The following ZRANB3 variants were observed in gnomAD, a reference collection of about 807,000 sequenced individuals.
ZRANB3 encodes zinc finger RANBP2-type containing 3, also known as DNA annealing helicase and endonuclease ZRANB3.
ZRANB3 carries 125 observed loss-of-function variants against 133.8 expected under a neutral mutation model. The observed-to-expected ratio is 0.93, with a 90% CI of 0.81 to 1.08. The LOEUF (loss-of-function observed/expected upper bound fraction) is 1.08, where lower values mean the gene tolerates loss of function less well. ZRANB3 is among the 50% of genes least tolerant of loss of function. The pLI is 0.00. For missense variants in ZRANB3, 1,229 were observed against 1,275.5 expected, an observed-to-expected ratio of 0.96 and a Z score of 0.56; for synonymous variants, 387 against 432.7, an observed-to-expected ratio of 0.89 and a Z score of 1.31.
At chr2:135,440,394 C>T (rs1204390603) in intron 2 of ZRANB3, among the ~76,000 whole-genome samples, 1 of 151,632 alleles carries the variant, frequency 6.6e-6, no homozygotes, top group Non-Finnish European at 1.5e-5. Flanking sequence ...GCAAGGAAGG[C>T]TCTGTCTAAA....
intron 8 of ZRANB3, among the ~76,000 whole-genome samples, chr2:135,301,375 G>A (rs1227961565): frequency 1.3e-5 from 2 of 151,882 alleles, no homozygotes; most frequent in African/African-American, 4.8e-5. Context: ...TAGTAGAGAT[G>A]GAGTTTCACC....
chr2:135,489,135 G>C (rs1010131878), intron 2 of ZRANB3, among the ~76,000 whole-genome samples: 1 of 151,780 alleles, frequency 6.6e-6, no homozygotes, highest in East Asian at 1.9e-4. Flanking sequence ...CTTAAAAAAG[G>C]AATCTACAAA....
intron 6 of ZRANB3, among the ~76,000 whole-genome samples, chr2:135,318,161 A>G (rs1683345987): frequency 6.6e-6 from 1 of 151,636 alleles, no homozygotes; most frequent in East Asian, 1.9e-4. Context: ...TATAAAAATT[A>G]TATTAAATAT....
chr2:135,419,314 T>C (rs896493961), intron 2 of ZRANB3, among the ~76,000 whole-genome samples: 3 of 152,112 alleles, frequency 2.0e-5, no homozygotes, highest in Admixed American at 6.5e-5. Flanking sequence ...GTGTACATTT[T>C]GGATTTTACA....
chr2:135,504,144 T>C, intron 2 of ZRANB3, 185 bp downstream of exon 2: 1 of 696,234 alleles, frequency 1.4e-6, no homozygotes, highest in Admixed American at 2.3e-5. Flanking sequence ...GAAATCACAA[T>C]TGGTTCAATA....
At chr2:135,253,777 T>C (rs1352327074) in intron 12 of ZRANB3, among the ~76,000 whole-genome samples, 3 of 152,194 alleles carry the variant, frequency 2.0e-5, no homozygotes, top group East Asian at 1.9e-4. Flanking sequence ...GAGACTTCCA[T>C]TGCATATGTG....
intron 3 of ZRANB3, among the ~76,000 whole-genome samples, chr2:135,379,610 T>G (rs1015699178): frequency 2.0e-5 from 3 of 152,138 alleles, no homozygotes; most frequent in Non-Finnish European, 4.4e-5. Flanking sequence ...AAGCAAATGC[T>G]GAGAGATTTT....
rs1197969738 is a variant in ZRANB3 at position 135,511,581 on chromosome 2, T to C, written c.-7-7085A>G. On this transcript the variant is annotated intron_variant, in intron 1 of 20. Coordinates refer to ENST00000264159, the MANE Select transcript of ZRANB3 (RefSeq NM_032143.4). Reference sequence around the variant, plus strand: ...TATCATTGTGAACATAGAACTGATTTGCAACAGACCCCTCAGGAGCAAGTA... The same window carrying C: ...TATCATTGTGAACATAGAACTGATTCGCAACAGACCCCTCAGGAGCAAGTA... The C allele has an allele frequency of 3.4e-6, 3 of 892,682 alleles. No homozygotes were observed. In the Admixed American group the frequency reaches 5.1e-5, roughly 15 times the overall value. The allele number at this position is 892,682 out of a possible 1,614,324, so 55.3% of individuals were successfully genotyped here. A position where few individuals can be genotyped will look rare whatever the true frequency, so the allele number is the denominator to read the frequency against.
intron 6 of ZRANB3, among the ~76,000 whole-genome samples, chr2:135,335,683 A>T (rs4954241): frequency 0.1 from 15,843 of 151,896 alleles, 1,092 homozygotes; most frequent in South Asian, 0.32. Context: ...AAAGAGCAAG[A>T]CTCTGTCTCA....
intron 2 of ZRANB3, among the ~76,000 whole-genome samples, chr2:135,391,624 G>C (rs547382441): frequency 6.7e-6 from 1 of 148,274 alleles, no homozygotes; most frequent in Middle Eastern, 3.7e-3. Context: ...CTGTTGCCCA[G>C]GCTGGAGTGC....
rs1465234250 is a variant in ZRANB3 at position 135,224,466 on chromosome 2, C to T, written c.2210G>A (p.Cys737Tyr). The change falls in exon 15 of 21, where the codon TGT (cysteine) becomes TAT (tyrosine). Residue 737 changes from cysteine to tyrosine, a missense_variant. By Grantham distance (194) the Cys-to-Tyr change is radical (BLOSUM62 -2). Coordinates refer to ENST00000264159, the MANE Select transcript of ZRANB3 (RefSeq NM_032143.4). ...TLPVYDTLMF[C>Y]ASRNTDRIHI... ...AATCCGGTCAGTATTCCTACTTGCA[C>T]AGAACATTAAGGTGTCATACACTGG... is the stretch of plus-strand genomic sequence containing the variant. The T allele has an allele frequency of 1.2e-6, 2 of 1,613,360 alleles. No individual in the cohort carries two copies.
rs570792279 is a variant in ZRANB3 at position 135,246,977 on chromosome 2, TA to T, written c.1540-16051del. On this transcript the variant is annotated intron_variant, in intron 12 of 20. Coordinates refer to ENST00000264159, the MANE Select transcript of ZRANB3 (RefSeq NM_032143.4). ...TGAAGGAGAGGGGAAAAAAATCTAG[TA>T]AAACTCATAAAAAATAAAGCACTTC... 2.1e-3 allele frequency among the ~76,000 whole-genome samples: 327 copies of T among 152,260 alleles called. 1 individual carries two copies. Among genetic ancestry groups the T allele is most frequent in the Admixed American group, 6.7e-3 (103 of 15,288 alleles).
intron 2 of ZRANB3, 29 bp downstream of exon 2, chr2:135,504,300 A>G: frequency 1.2e-6 from 2 of 1,611,462 alleles, no homozygotes; most frequent in Non-Finnish European, 1.7e-6. Flanking sequence ...GGAATTTAAC[A>G]TTTTTAGCAT....
intron 3 of ZRANB3, among the ~76,000 whole-genome samples, chr2:135,379,709 C>T (rs540888100): frequency 6.6e-6 from 1 of 152,212 alleles, no homozygotes; most frequent in East Asian, 1.9e-4. Flanking sequence ...CAAAAACACA[C>T]CAAATTGTAA....
At chr2:135,462,273 T>G (rs1252241842) in intron 2 of ZRANB3, among the ~76,000 whole-genome samples, 1 of 152,188 alleles carries the variant, frequency 6.6e-6, no homozygotes, top group Non-Finnish European at 1.5e-5. Flanking sequence ...TTGTAAGTAC[T>G]CCAAGCTCCT....
intron 2 of ZRANB3, among the ~76,000 whole-genome samples, chr2:135,446,861 T>TGA (rs1690045394): frequency 6.6e-6 from 1 of 152,168 alleles, no homozygotes. Context: ...AAATAAGACG[T>TGA]GAAAATTTTC....
intron 6 of ZRANB3, 98 bp from the exon 7 acceptor site, chr2:135,315,628 G>T (rs1683214285): frequency 2.3e-6 from 2 of 876,576 alleles, no homozygotes; most frequent in Non-Finnish European, 1.6e-6. Flanking sequence ...AAGGAGCCAT[G>T]ACACTGTTTT....
intron 12 of ZRANB3, among the ~76,000 whole-genome samples, chr2:135,243,970 A>G (rs1695669367): frequency 6.6e-6 from 1 of 151,736 alleles, no homozygotes; most frequent in African/African-American, 2.4e-5. Context: ...TGATGTCAGC[A>G]TAGCTATATA....
chr2:135,237,162 T>G (rs1410295074), intron 12 of ZRANB3, among the ~76,000 whole-genome samples: 1 of 152,102 alleles, frequency 6.6e-6, no homozygotes, highest in Non-Finnish European at 1.5e-5. Flanking sequence ...AAAGAAGACA[T>G]TTATGCAGCC....
Sources: gnomAD v4.1 joint callset for allele counts (sites outside exome capture counted in the v4.1 genomes callset) on GRCh38, gnomAD v4.1.1 for gene constraint, MANE v1.5 for transcripts, NCBI Gene and HGNC (gene_info 2026-07-23, HGNC 2026-07-21) for gene names.